ARHGAP24: variants seen among roughly 807,000 people sequenced by gnomAD.
ARHGAP24 encodes the protein rho GTPase-activating protein 24.
ARHGAP24 carries 50 observed loss-of-function variants against 76.4 expected under a neutral mutation model. That is an observed-to-expected ratio of 0.65 (90% confidence interval 0.52 to 0.83). The LOEUF (loss-of-function observed/expected upper bound fraction) is 0.83. Ranked by LOEUF, ARHGAP24 falls within the 40% of genes least tolerant of loss-of-function variation. ARHGAP24 has a pLI of 0.00. For missense variants in ARHGAP24, 930 were observed against 914.2 expected (o/e 1.02, Z -0.22); for synonymous variants, 345 against 323.3 (o/e 1.07, Z -0.72).
chr4:85,849,303 C>T (rs1472852417), intron 3 of ARHGAP24, among the ~76,000 whole-genome samples: 1 of 150,806 alleles, frequency 6.6e-6, no homozygotes, highest in Admixed American at 6.6e-5. Flanking sequence ...ATTTTGTATC[C>T]TGAGACTTTG....
chr4:85,894,960 C>CAAAA (rs540459367), intron 3 of ARHGAP24, among the ~76,000 whole-genome samples: 44 of 35,320 alleles, frequency 1.2e-3, no homozygotes, highest in East Asian at 3.3e-3. Flanking sequence ...GACTCCCTCT[C>CAAAA]AAAAAAAAAA....
rs1291430807 is a variant in ARHGAP24, at chr4:85,839,852, T to C, written c.269-83796T>C. ...GTCTTTTTTCTGTTTTCTTTTTTTT[T>C]TTTTTTTTTTTTTTTGAGACAGAGT... is the stretch of plus-strand genomic sequence containing the variant. On this transcript the variant is annotated intron_variant, in intron 3 of 9. Transcript: ENST00000395184. 5.6e-4 allele frequency among the ~76,000 whole-genome samples: 73 copies of C among 130,522 alleles called. 3 individuals are homozygous for C. Among genetic ancestry groups the C allele is most frequent in the East Asian group, 8.6e-4 (4 of 4,666 alleles). The allele number at this position is 130,522 out of a possible 152,430, so 85.6% of individuals were successfully genotyped here.
intron 2 of ARHGAP24, among the ~76,000 whole-genome samples, chr4:85,620,791 G>A (rs942207045): frequency 2.6e-5 from 4 of 151,404 alleles, no homozygotes; most frequent in African/African-American, 9.7e-5. Flanking sequence ...TTATTTTTAA[G>A]TTTTAGATTC....
chr4:85,981,342 T>C (rs1739657605), intron 8 of ARHGAP24, among the ~76,000 whole-genome samples: 1 of 152,230 alleles, frequency 6.6e-6, no homozygotes, highest in African/African-American at 2.4e-5. Context: ...GTGACAAATA[T>C]GTATTCAAAA....
intron 3 of ARHGAP24, among the ~76,000 whole-genome samples, chr4:85,804,959 C>A (rs1728727666): frequency 6.6e-6 from 1 of 152,162 alleles, no homozygotes; most frequent in Non-Finnish European, 1.5e-5. Flanking sequence ...TAGTCAATGG[C>A]TTCTATTTCT....
At chr4:85,479,794 A>C (rs867509347) in intron 1 of ARHGAP24, among the ~76,000 whole-genome samples, 15 of 152,214 alleles carry the variant, frequency 9.9e-5, no homozygotes, top group African/African-American at 3.6e-4. Context: ...TTAGACTAAA[A>C]TACATATGGG....
intron 5 of ARHGAP24, among the ~76,000 whole-genome samples, chr4:85,966,649 A>G (rs923575147): frequency 5.3e-5 from 8 of 152,204 alleles, no homozygotes; most frequent in African/African-American, 1.7e-4. Context: ...TGAACTCAGC[A>G]GGCAAAGCAG....
intron 3 of ARHGAP24, among the ~76,000 whole-genome samples, chr4:85,861,564 G>A (rs1266219892): frequency 1.3e-5 from 2 of 151,998 alleles, no homozygotes; most frequent in Non-Finnish European, 2.9e-5. Context: ...TGCACTGCTT[G>A]GGCATGTTGC....
chr4:85,994,474 A>G (rs968677836), intron 8 of ARHGAP24, 109 bp from the exon 9 acceptor site: 1 of 1,093,144 alleles, frequency 9.1e-7, no homozygotes, highest in Non-Finnish European at 1.4e-6. Flanking sequence ...TTTGGTACTG[A>G]TAATAATAAT....
At chr4:85,827,517 T>TGTGTGTGTGTGTGTGTGTG (rs1553933033) in intron 3 of ARHGAP24, among the ~76,000 whole-genome samples, 78 of 126,278 alleles carry the variant, frequency 6.2e-4, no homozygotes, top group Non-Finnish European at 8.3e-4. Flanking sequence ...TGTGTGTGTG[T>TGTGTGTGTGTGTGTGTGTG]TTAGAGAGAG....
At chr4:85,596,298 C>T (rs148730149) in intron 2 of ARHGAP24, among the ~76,000 whole-genome samples, 1 of 151,936 alleles carries the variant, frequency 6.6e-6, no homozygotes, top group African/African-American at 2.4e-5. Context: ...AGAATTGTGC[C>T]AGCATTGAAG....
intron 2 of ARHGAP24, among the ~76,000 whole-genome samples, chr4:85,617,132 T>G (rs1378591321): frequency 6.8e-6 from 1 of 147,558 alleles, no homozygotes; most frequent in Non-Finnish European, 1.5e-5. Context: ...TAAATATATG[T>G]ACTTGTATAG....
intron 3 of ARHGAP24, among the ~76,000 whole-genome samples, chr4:85,922,918 G>A (rs186765584): frequency 8.5e-5 from 13 of 152,292 alleles, no homozygotes; most frequent in Admixed American, 7.2e-4. Flanking sequence ...ATTGTTCTTT[G>A]GGGAAAAATA....
intron 3 of ARHGAP24, among the ~76,000 whole-genome samples, chr4:85,758,605 G>C (rs543685801): frequency 1.3e-5 from 2 of 152,236 alleles, no homozygotes; most frequent in Non-Finnish European, 2.9e-5. Flanking sequence ...GCTTTTAAAA[G>C]AGATGATCCT....
intron 4 of ARHGAP24, among the ~76,000 whole-genome samples, chr4:85,929,910 T>C (rs901693042): frequency 6.6e-5 from 10 of 152,226 alleles, no homozygotes; most frequent in Admixed American, 6.5e-4. Context: ...TGCCCTGTGA[T>C]TTCTGGAGGG....
chr4:85,844,129 C>T (rs2110152532), intron 3 of ARHGAP24, among the ~76,000 whole-genome samples: 1 of 152,194 alleles, frequency 6.6e-6, no homozygotes, highest in East Asian at 1.9e-4. Context: ...TATTCAATGT[C>T]TTTATTAGTA....
At chr4:85,977,517 C>T in intron 7 of ARHGAP24, 53 bp from the exon 8 acceptor site, 2 of 1,595,448 alleles carry the variant, frequency 1.3e-6, no homozygotes, top group Non-Finnish European at 1.7e-6. Flanking sequence ...GATTTTTCTT[C>T]CACTGGCAAA....
intron 2 of ARHGAP24, among the ~76,000 whole-genome samples, chr4:85,633,999 C>A: frequency 6.6e-6 from 1 of 151,866 alleles, no homozygotes; most frequent in East Asian, 1.9e-4. Flanking sequence ...ATATTGATTA[C>A]TGTTTTTACA....
chr4:85,527,811 A>C (rs1271488379), intron 1 of ARHGAP24, among the ~76,000 whole-genome samples: 1 of 152,064 alleles, frequency 6.6e-6, no homozygotes. Context: ...TTGAAATTTC[A>C]CCTCATGTGC....
Sources: gnomAD v4.1 joint callset for allele counts (sites outside exome capture counted in the v4.1 genomes callset) on GRCh38, gnomAD v4.1.1 for gene constraint, MANE v1.5 for transcripts, NCBI Gene and HGNC (gene_info 2026-07-23, HGNC 2026-07-21) for gene names.